STK3: variants seen among roughly 807,000 people sequenced by gnomAD.
STK3 encodes serine/threonine kinase 3.
STK3 carries 41 observed loss-of-function variants against 58.0 expected under a neutral mutation model. The ratio of observed to expected loss-of-function variants is 0.71; its 90% CI spans 0.55 to 0.92. The LOEUF (loss-of-function observed/expected upper bound fraction) is 0.92, where lower values mean the gene tolerates loss of function less well. STK3 is among the 40% of genes least tolerant of loss of function. The probability of loss-of-function intolerance (pLI) is 0.00; values close to 1 mark genes in which losing one functional copy is unlikely to be tolerated. For missense variants in STK3, 479 were observed against 602.7 expected (o/e 0.79, Z 2.15); for synonymous variants, 170 against 191.0 (o/e 0.89, Z 0.91).
At chr8:98,701,047 T>C (rs1825560043) in intron 6 of STK3, among the ~76,000 whole-genome samples, 1 of 151,880 alleles carries the variant, frequency 6.6e-6, no homozygotes, top group South Asian at 2.1e-4. Context: ...TGTGCACCTG[T>C]AGTTCCAGGT....
chr8:98,841,460 A>G (rs949974869), intron 3 of STK3, among the ~76,000 whole-genome samples: 8 of 152,106 alleles, frequency 5.3e-5, no homozygotes, highest in Non-Finnish European at 4.4e-5. Context: ...TGTGTGCAAA[A>G]CTGAGGTTCT....
chr8:98,596,029 G>T lies in STK3; in HGVS notation c.822+3C>A. The T allele has an allele frequency of 6.2e-7, 1 of 1,612,664 alleles. No homozygotes were observed. The highest frequency in any genetic ancestry group is 1.1e-5 in the South Asian group (1 of 90,790). ...TCCTTCCCTTCGAGGCACAAGCACT[G>T]ACCTGTAAAAGTTGTGTTGCAGTAG... is the stretch of plus-strand genomic sequence containing the variant. On this transcript the variant is annotated splice_donor_region_variant and intron_variant, in intron 7 of 10. Coordinates refer to ENST00000419617, the MANE Select transcript of STK3 (RefSeq NM_006281.4).
chr8:98,345,574 G>A, the STK3 span, among the ~76,000 whole-genome samples: 7 of 151,896 alleles, frequency 4.6e-5, no homozygotes, highest in African/African-American at 7.3e-5. Context: ...AGGAAGAATC[G>A]TCTGAAAATA....
chr8:98,814,344 C>T (rs1834411852), intron 1 of STK3, among the ~76,000 whole-genome samples: 1 of 143,048 alleles, frequency 7.0e-6, no homozygotes, highest in Admixed American at 7.7e-5. Flanking sequence ...AGCCACCGCG[C>T]CCAGCATTTT....
chr8:98,360,398 C>T, the STK3 span, among the ~76,000 whole-genome samples: 24 of 152,154 alleles, frequency 1.6e-4, no homozygotes, highest in Non-Finnish European at 2.9e-4. Context: ...CCCTCTGTGT[C>T]TCCATGCCTA....
chr8:98,659,874 T>C (rs562734991), intron 6 of STK3, among the ~76,000 whole-genome samples: 4 of 150,612 alleles, frequency 2.7e-5, no homozygotes, highest in Middle Eastern at 3.4e-3. Context: ...AAAAAACAAA[T>C]AAAAATAAAA....
At chr8:98,739,228 T>G (rs1189308131) in intron 4 of STK3, among the ~76,000 whole-genome samples, 2 of 152,232 alleles carry the variant, frequency 1.3e-5, no homozygotes, top group African/African-American at 2.4e-5. Flanking sequence ...CTGAACAGCT[T>G]TGAAGACAGC....
At chr8:98,904,949 A>T in intron 1 of STK3, 1 of 713,736 alleles carries the variant, frequency 1.4e-6, no homozygotes, top group Non-Finnish European at 2.6e-6. Flanking sequence ...TACATGCAGA[A>T]GCTGCTGCCG....
intron 3 of STK3, among the ~76,000 whole-genome samples, chr8:98,764,226 C>T (rs966561651): frequency 6.6e-6 from 1 of 152,222 alleles, no homozygotes; most frequent in Non-Finnish European, 1.5e-5. Flanking sequence ...ACATTTCCTT[C>T]TCATTGTATT....
At chr8:98,598,087 A>G in intron 6 of STK3, 1 of 985,424 alleles carries the variant, frequency 1.0e-6, no homozygotes, top group Non-Finnish European at 1.2e-6. Flanking sequence ...ATAAGCCCCT[A>G]TATAGACTGA....
At chr8:98,698,522 T>C (rs1825209261) in intron 6 of STK3, among the ~76,000 whole-genome samples, 1 of 152,248 alleles carries the variant, frequency 6.6e-6, no homozygotes, top group South Asian at 2.1e-4. Context: ...TTTCCATGTT[T>C]AGTGCTTCCT....
In STK3 at chr8:98,636,203, T is replaced by C. The variant is rs541253008; in HGVS notation, c.685-40034A>G. On this transcript the variant is annotated intron_variant, in intron 6 of 10. Coordinates refer to ENST00000419617, the MANE Select transcript of STK3 (RefSeq NM_006281.4). ...ATTATAATTATTCTCACTGTACATATGGGAAAAAAGTGAGACATGGAGAGG... is the reference window on the plus strand; with the variant it reads ...ATTATAATTATTCTCACTGTACATACGGGAAAAAAGTGAGACATGGAGAGG... Among the ~76,000 whole-genome samples the C allele has an allele frequency of 1.8e-4, 28 of 152,110 alleles. No homozygotes were observed. The East Asian group carries it at 4.1e-3, about 22-fold the overall frequency.
At chr8:98,512,985 A>G (rs1483258696) in intron 10 of STK3, among the ~76,000 whole-genome samples, 2 of 152,168 alleles carry the variant, frequency 1.3e-5, no homozygotes, top group African/African-American at 4.8e-5. Flanking sequence ...GTCACAAAAA[A>G]ATGTTTACTG....
chr8:98,368,228 C>T (rs1385691260), downstream of STK3, among the ~76,000 whole-genome samples: 1 of 152,176 alleles, frequency 6.6e-6, no homozygotes, highest in East Asian at 1.9e-4. Flanking sequence ...GCCTATCTTC[C>T]TTTGCTGGGA....
chr8:98,627,496 G>GAAAAAAA (rs71572020), intron 6 of STK3, among the ~76,000 whole-genome samples: 54 of 100,976 alleles, frequency 5.3e-4, no homozygotes, highest in Non-Finnish European at 5.9e-4. Context: ...AAAGAAAAAA[G>GAAAAAAA]AAAAAAAAAA....
rs1473264268 is a variant in STK3 at position 98,530,771 on chromosome 8, A to C, written c.1142-3854T>G. Among the ~76,000 whole-genome samples, 4 of 152,340 alleles carry C rather than the reference A, an allele frequency of 2.6e-5. No individual in the cohort carries two copies. The East Asian group carries it at 7.7e-4, about 29-fold the overall frequency. ...ATTGTAGTCAATCCTCTCAAACTCT[A>C]CCACTGCTTTATCAACTGAGTTTAT... is the stretch of plus-strand genomic sequence containing the variant. On this transcript the variant is annotated intron_variant, in intron 9 of 10. Transcript: ENST00000419617.
the STK3 span, among the ~76,000 whole-genome samples, chr8:98,359,283 G>A: frequency 0.082 from 12,096 of 147,956 alleles, 585 homozygotes; most frequent in East Asian, 0.18. Context: ...CGAGGCGGGC[G>A]GATCACCTGA....
At chr8:98,547,217 T>C (rs753139093) in intron 9 of STK3, among the ~76,000 whole-genome samples, 2 of 152,144 alleles carry the variant, frequency 1.3e-5, no homozygotes, top group Non-Finnish European at 2.9e-5. Context: ...GGTAGGAGCA[T>C]GACAGGAAGA....
At chr8:98,349,592 G>A in the STK3 span, among the ~76,000 whole-genome samples, 1 of 152,370 alleles carries the variant, frequency 6.6e-6, no homozygotes, top group African/African-American at 2.4e-5. Flanking sequence ...CCCTAGCAAA[G>A]GTTCTCTATG....
Sources: gnomAD v4.1 joint callset for allele counts (sites outside exome capture counted in the v4.1 genomes callset) on GRCh38, gnomAD v4.1.1 for gene constraint, MANE v1.5 for transcripts, NCBI Gene and HGNC (gene_info 2026-07-23, HGNC 2026-07-21) for gene names.